The following SLC24A2 variants were observed in gnomAD, a reference collection of about 807,000 sequenced individuals.
SLC24A2 encodes sodium/potassium/calcium exchanger 2.
SLC24A2 carries 36 observed loss-of-function variants against 62.0 expected under a neutral mutation model. The ratio of observed to expected loss-of-function variants is 0.58; its 90% CI spans 0.44 to 0.77. SLC24A2 has a LOEUF of 0.77. Among genes scored for constraint, SLC24A2 ranks in the 30% least tolerant of loss-of-function variants. The probability of loss-of-function intolerance (pLI) is 0.00; values close to 1 mark genes in which losing one functional copy is unlikely to be tolerated. For missense variants in SLC24A2, 846 were observed against 817.9 expected (o/e 1.03, Z -0.42); for synonymous variants, 358 against 294.0 (o/e 1.22, Z -2.23).
At chr9:19,938,092 T>C in the SLC24A2 span, among the ~76,000 whole-genome samples, 1 of 152,154 alleles carries the variant, frequency 6.6e-6, no homozygotes, top group Non-Finnish European at 1.5e-5. Context: ...AATGAAATAA[T>C]ATTTTATAGT....
At chr9:19,936,995 A>G in the SLC24A2 span, among the ~76,000 whole-genome samples, 2 of 152,208 alleles carry the variant, frequency 1.3e-5, no homozygotes, top group Non-Finnish European at 2.9e-5. Flanking sequence ...ACACATATGT[A>G]TTACTTTAGT....
At chr9:20,192,802 T>C in the SLC24A2 span, among the ~76,000 whole-genome samples, 1 of 152,118 alleles carries the variant, frequency 6.6e-6, no homozygotes, top group East Asian at 1.9e-4. Flanking sequence ...CAGCCAAGGT[T>C]GAGAACCACT....
the SLC24A2 span, among the ~76,000 whole-genome samples, chr9:19,984,151 A>G: frequency 2.0e-5 from 3 of 152,232 alleles, no homozygotes; most frequent in Non-Finnish European, 4.4e-5. Context: ...TGTATTGCTA[A>G]GATGGAATAC....
intron 2 of SLC24A2, among the ~76,000 whole-genome samples, chr9:19,655,628 G>C (rs1818922588): frequency 6.6e-6 from 1 of 152,252 alleles, no homozygotes; most frequent in East Asian, 1.9e-4. Flanking sequence ...GATAAATAAG[G>C]TATCAGTGCA....
intron 2 of SLC24A2, among the ~76,000 whole-genome samples, chr9:19,627,691 A>G (rs1345997277): frequency 6.6e-6 from 1 of 152,002 alleles, no homozygotes; most frequent in East Asian, 1.9e-4. Flanking sequence ...ATGCCCAGAT[A>G]ATTACGAAAA....
chr9:20,291,565 C>T, the SLC24A2 span, among the ~76,000 whole-genome samples: 1 of 152,166 alleles, frequency 6.6e-6, no homozygotes, highest in Non-Finnish European at 1.5e-5. Flanking sequence ...GACCCTGACT[C>T]CCTCTCCATG....
At chr9:19,917,383 C>CT in the SLC24A2 span, among the ~76,000 whole-genome samples, 7 of 147,068 alleles carry the variant, frequency 4.8e-5, no homozygotes, top group Non-Finnish European at 9.0e-5. Flanking sequence ...TTAGTCTGCA[C>CT]TTTTGCCTCC....
At chr9:20,262,001 G>C in the SLC24A2 span, among the ~76,000 whole-genome samples, 1 of 152,112 alleles carries the variant, frequency 6.6e-6, no homozygotes, top group Admixed American at 6.6e-5. Flanking sequence ...GCCTCCCAAA[G>C]TGCTGGGAAT....
At chr9:19,742,898 C>T (rs1367686873) in intron 2 of SLC24A2, among the ~76,000 whole-genome samples, 1 of 152,272 alleles carries the variant, frequency 6.6e-6, no homozygotes, top group East Asian at 1.9e-4. Flanking sequence ...TGGCTGAATG[C>T]TTCATGGAAC....
At chr9:20,075,761 G>GA in the SLC24A2 span, among the ~76,000 whole-genome samples, 1 of 151,910 alleles carries the variant, frequency 6.6e-6, no homozygotes, top group Non-Finnish European at 1.5e-5. Context: ...AACACTGCTG[G>GA]AAAAAAATGG....
At chr9:20,150,774 G>C in the SLC24A2 span, among the ~76,000 whole-genome samples, 2 of 151,520 alleles carry the variant, frequency 1.3e-5, no homozygotes, top group African/African-American at 4.8e-5. Context: ...TTAAAATTAA[G>C]TTTATAAAGA....
the SLC24A2 span, among the ~76,000 whole-genome samples, chr9:20,274,388 T>C: frequency 6.6e-6 from 1 of 152,176 alleles, no homozygotes; most frequent in South Asian, 2.1e-4. Flanking sequence ...ACTCTAATTC[T>C]AAATAAGATA....
chr9:19,827,613 T>C, the SLC24A2 span, among the ~76,000 whole-genome samples: 1 of 152,186 alleles, frequency 6.6e-6, no homozygotes, highest in Non-Finnish European at 1.5e-5. Context: ...GCATGTTTAA[T>C]GTGGCATCTC....
chr9:20,087,989 G>A, the SLC24A2 span, among the ~76,000 whole-genome samples: 32 of 152,138 alleles, frequency 2.1e-4, no homozygotes, highest in Non-Finnish European at 4.6e-4. Flanking sequence ...AGATCCCCTC[G>A]TGAATCCACT....
chr9:19,550,691 A>T (rs920714233), intron 7 of SLC24A2, among the ~76,000 whole-genome samples: 4 of 130,480 alleles, frequency 3.1e-5, no homozygotes, highest in African/African-American at 1.1e-4. Flanking sequence ...ACTGATAAAA[A>T]ATATTTCTTT....
the SLC24A2 span, among the ~76,000 whole-genome samples, chr9:20,248,597 G>A: frequency 2.0e-5 from 3 of 152,138 alleles, no homozygotes; most frequent in African/African-American, 7.2e-5. Context: ...CCACCCTCAT[G>A]ACCTGATTAC....
At chr9:19,872,757 G>A in the SLC24A2 span, among the ~76,000 whole-genome samples, 1 of 152,134 alleles carries the variant, frequency 6.6e-6, no homozygotes, top group African/African-American at 2.4e-5. Flanking sequence ...AACTTCAAGT[G>A]GAAGGGATGA....
chr9:20,176,909 T>TGAGGTGGGCGGG, the SLC24A2 span, among the ~76,000 whole-genome samples: 1 of 151,384 alleles, frequency 6.6e-6, no homozygotes, highest in African/African-American at 2.4e-5. Flanking sequence ...ATCTAAAGTG[T>TGAGGTGGGCGGG]GAGGATGGAG....
At chr9:19,833,611 A>C in the SLC24A2 span, among the ~76,000 whole-genome samples, 955 of 152,322 alleles carry the variant, frequency 6.3e-3, 12 homozygotes, top group African/African-American at 0.022. Context: ...ACCACAGCTC[A>C]AGGAGGCCTG....
Sources: allele counts gnomAD v4.1 joint callset (sites outside exome capture counted in the v4.1 genomes callset), GRCh38; gene constraint gnomAD v4.1.1; transcripts MANE v1.5; gene names NCBI Gene and HGNC (gene_info 2026-07-23, HGNC 2026-07-21).